The following GRAMD2A variants were observed in gnomAD, a reference collection of about 807,000 sequenced individuals.
GRAMD2A encodes GRAM domain containing 2A.
GRAMD2A carries 37 observed loss-of-function variants against 51.1 expected under a neutral mutation model. The observed-to-expected ratio is 0.72, with a 90% CI of 0.56 to 0.95. The LOEUF is 0.95. Among genes scored for constraint, GRAMD2A ranks in the 40% least tolerant of loss-of-function variants. The pLI is 0.00. For missense variants in GRAMD2A, 414 were observed against 426.9 expected (o/e 0.97, Z 0.27); for synonymous variants, 136 against 157.1 (o/e 0.87, Z 1.01).
At chr15:72,181,166 T>C (rs892397106) in intron 1 of GRAMD2A, among the ~76,000 whole-genome samples, 1 of 152,012 alleles carries the variant, frequency 6.6e-6, no homozygotes, top group African/African-American at 2.4e-5. Context: ...AGGGCAGAGG[T>C]GAGCAGCGAA....
chr15:72,168,467 C>T (rs760398449), intron 4 of GRAMD2A, 24 bp downstream of exon 4: 12 of 1,595,480 alleles, frequency 7.5e-6, no homozygotes, highest in Non-Finnish European at 1.0e-5. Flanking sequence ...GGTGCCTAAC[C>T]AGCTATACCG....
At chr15:72,185,705 G>T (rs2081730488) in intron 1 of GRAMD2A, among the ~76,000 whole-genome samples, 3 of 152,210 alleles carry the variant, frequency 2.0e-5, no homozygotes, top group Admixed American at 2.0e-4. Context: ...AAGATTACTA[G>T]ATCAATGGAG....
intron 2 of GRAMD2A, 190 bp from the exon 3 acceptor site, chr15:72,169,186 G>C: frequency 1.6e-6 from 1 of 616,836 alleles, no homozygotes; most frequent in South Asian, 1.9e-5. Context: ...CTCATCCCTG[G>C]GGGAGGGCAC....
Position 72,170,007 on chromosome 15 carries a change from A to C in GRAMD2A, c.42-68T>G. 8.5e-7 allele frequency: 1 copy of C among 1,173,396 alleles called. No homozygotes were observed. Among genetic ancestry groups the C allele is most frequent in the Non-Finnish European group, 1.3e-6 (1 of 778,432 alleles). 72.7% of individuals were successfully genotyped at this position (1,173,396 alleles called of 1,614,324 possible). ...GACACCTTTCCCTAACAGCCCCACC[A>C]TGCCCATGGCCGCTGCCTCTGGCCC... On this transcript the variant is annotated intron_variant, in intron 1 of 11. Coordinates refer to ENST00000309731, the MANE Select transcript of GRAMD2A (RefSeq NM_001012642.3). This position sits in a 1 kb window ranked among gnomAD's most constrained non-coding sequence, Gnocchi z 4.5.
rs2081598940 is a variant in GRAMD2A at position 72,170,419 on chromosome 15, G to T, written c.42-480C>A. 1 of 456,108 alleles carries T rather than the reference G, an allele frequency of 2.2e-6. No individual in the cohort carries two copies. The highest frequency in any genetic ancestry group is 4.4e-6 in the Non-Finnish European group (1 of 226,942). The allele number at this position is 456,108 out of a possible 1,614,324, so 28.3% of individuals were successfully genotyped here. A position where few individuals can be genotyped will look rare whatever the true frequency, so the allele number is the denominator to read the frequency against. On this transcript the variant is annotated intron_variant, in intron 1 of 11. Coordinates refer to ENST00000309731, the MANE Select transcript of GRAMD2A (RefSeq NM_001012642.3). The surrounding 1 kb of genome is among the most constrained non-coding windows in gnomAD (Gnocchi z 4.5). Reference sequence around the variant, plus strand: ...GCCTTATCAAAGCTCAGGAGCTGATGCGCTGAAGGTGTGGGAGGTGGACGC... The same window carrying T: ...GCCTTATCAAAGCTCAGGAGCTGATTCGCTGAAGGTGTGGGAGGTGGACGC...
chr15:72,175,358 C>G (rs1036479816), intron 1 of GRAMD2A, among the ~76,000 whole-genome samples: 5 of 152,190 alleles, frequency 3.3e-5, no homozygotes, highest in Non-Finnish European at 7.3e-5. Flanking sequence ...GGGCCCGGGT[C>G]TGATCCTGCC....
At chr15:72,194,390 G>A (rs1242695851) in intron 1 of GRAMD2A, among the ~76,000 whole-genome samples, 1 of 152,190 alleles carries the variant, frequency 6.6e-6, no homozygotes, top group East Asian at 1.9e-4. Flanking sequence ...ATTTTGGGGG[G>A]ACGGGGAATA....
chr15:72,196,974 C>G (rs575037755), intron 1 of GRAMD2A, among the ~76,000 whole-genome samples: 37 of 152,326 alleles, frequency 2.4e-4, no homozygotes, highest in African/African-American at 8.7e-4. Context: ...GGCTTGGAAC[C>G]TGGACCGGGG....
chr15:72,174,843 G>C (rs1421800606), intron 1 of GRAMD2A, among the ~76,000 whole-genome samples: 7 of 152,114 alleles, frequency 4.6e-5, no homozygotes, highest in African/African-American at 1.7e-4. Flanking sequence ...AGGGGGCAAT[G>C]AGTGGGAGCC....
At chr15:72,179,997 G>A (rs1389357699) in intron 1 of GRAMD2A, among the ~76,000 whole-genome samples, 4 of 152,172 alleles carry the variant, frequency 2.6e-5, no homozygotes, top group African/African-American at 4.8e-5. Context: ...CCATGGGCTC[G>A]GAGGCACGAC....
intron 1 of GRAMD2A, among the ~76,000 whole-genome samples, chr15:72,176,802 CT>C (rs1483915549): frequency 6.6e-6 from 1 of 151,358 alleles, no homozygotes; most frequent in African/African-American, 2.4e-5. Flanking sequence ...GGACACTCTC[CT>C]TTTAACTCTA....
intron 1 of GRAMD2A, among the ~76,000 whole-genome samples, chr15:72,189,556 G>C (rs1478404887): frequency 6.6e-6 from 1 of 152,206 alleles, no homozygotes; most frequent in Non-Finnish European, 1.5e-5. Flanking sequence ...AACAAAAAGT[G>C]TATTTTAAAA....
chr15:72,165,073 A>C (rs1596676983), intron 8 of GRAMD2A, among the ~76,000 whole-genome samples: 1 of 152,386 alleles, frequency 6.6e-6, no homozygotes, highest in East Asian at 1.9e-4. Flanking sequence ...CAGCAGGTGG[A>C]AGTTGCAGTG....
At chr15:72,165,546 G>A in intron 7 of GRAMD2A, 136 bp from the exon 8 acceptor site, 1 of 783,164 alleles carries the variant, frequency 1.3e-6, no homozygotes, top group Non-Finnish European at 2.1e-6. Flanking sequence ...CAGCTCCCAG[G>A]GTCTATAGGG....
At chr15:72,168,905 G>C in intron 3 of GRAMD2A, 34 bp downstream of exon 3, 3 of 1,600,188 alleles carry the variant, frequency 1.9e-6, no homozygotes, top group Non-Finnish European at 1.7e-6. Flanking sequence ...ACCCCTTCCT[G>C]GGTGAATAGT....
At chr15:72,180,470 A>T in intron 1 of GRAMD2A, among the ~76,000 whole-genome samples, 1 of 152,308 alleles carries the variant, frequency 6.6e-6, no homozygotes. Context: ...CTGCTAAGTG[A>T]GGGGGCCTGC....
chr15:72,169,375 G>T (rs2081584117), intron 2 of GRAMD2A: 2 of 466,988 alleles, frequency 4.3e-6, no homozygotes, highest in South Asian at 3.5e-5. Context: ...GCTGGAATAG[G>T]GACAGTTTGG....
At chr15:72,194,983 C>T (rs1402807187) in intron 1 of GRAMD2A, among the ~76,000 whole-genome samples, 15 of 152,148 alleles carry the variant, frequency 9.9e-5, no homozygotes, top group Admixed American at 7.9e-4. Context: ...CCGCCGCGCC[C>T]GGCTCAAATT....
At chr15:72,191,589 T>C (rs531772123) in intron 1 of GRAMD2A, among the ~76,000 whole-genome samples, 1 of 152,332 alleles carries the variant, frequency 6.6e-6, no homozygotes, top group African/African-American at 2.4e-5. Context: ...CAGTCCCTAA[T>C]TAAATAATGG....
Sources: gnomAD v4.1 joint callset for allele counts (sites outside exome capture counted in the v4.1 genomes callset) on GRCh38, gnomAD v4.1.1 for gene constraint, Gnocchi (gnomAD v3.1) non-coding constraint, MANE v1.5 for transcripts, NCBI Gene and HGNC (gene_info 2026-07-23, HGNC 2026-07-21) for gene names.